EFCAB8: variants seen among roughly 807,000 people sequenced by gnomAD.
The protein encoded by EFCAB8 is EF-hand calcium-binding domain-containing protein 8.
In EFCAB8, 100 loss-of-function variants were observed where a neutral mutation model predicts 116.3. The observed-to-expected ratio is 0.86, with a 90% CI of 0.73 to 1.02. EFCAB8 has a LOEUF of 1.02. Among genes scored for constraint, EFCAB8 ranks in the 50% least tolerant of loss-of-function variants. The pLI is 0.00. For synonymous variants in EFCAB8, 558 were observed against 567.9 expected, an observed-to-expected ratio of 0.98 and a Z score of 0.25; for missense variants, 1,320 against 1,416.9, an observed-to-expected ratio of 0.93 and a Z score of 1.10.
chr20:32,961,500 A>G lies in EFCAB8; in HGVS notation c.3758A>G (p.Gln1253Arg). Residue 1253 changes from glutamine (Q) to arginine (R), a missense_variant, in exon 27 of 27, where the codon CAG becomes CGG. Coordinates refer to ENST00000400522, the MANE Select transcript of EFCAB8 (RefSeq NM_001143967.2). ...TCCCCGGTGTCCAAGTCCACCCTGC[A>G]GGGGTCAGTGACCCCCAAGCACATT... ...VPSPVSKSTL[Q>R]GSVTPKHIVS... is the part of the protein sequence containing the mutation. 6.9e-7 allele frequency: 1 copy of G among 1,443,798 alleles called. No homozygotes were observed. Among genetic ancestry groups the G allele is most frequent in the Non-Finnish European group, 9.1e-7 (1 of 1,094,906 alleles). The allele number at this position is 1,443,798 out of a possible 1,614,324, so 89.4% of individuals were successfully genotyped here.
intron 7 of EFCAB8, among the ~76,000 whole-genome samples, chr20:32,889,610 A>G (rs1056884334): frequency 6.6e-6 from 1 of 152,200 alleles, no homozygotes; most frequent in Admixed American, 6.5e-5. Flanking sequence ...AACAGACCCA[A>G]ATTTACAAGC....
chr20:32,863,545 C>G (rs6141834), intron 1 of EFCAB8, among the ~76,000 whole-genome samples: 2 of 151,812 alleles, frequency 1.3e-5, no homozygotes, highest in African/African-American at 4.9e-5. Flanking sequence ...CAGGACAACT[C>G]CTCTCTATCA....
intron 23 of EFCAB8, 47 bp from the exon 24 acceptor site, chr20:32,958,374 G>C (rs1479996206): frequency 2.4e-6 from 1 of 416,368 alleles, no homozygotes. Flanking sequence ...GGGCATGGAG[G>C]AGGGGGTATG....
chr20:32,924,508 CTAT>C (rs139899532), intron 20 of EFCAB8, among the ~76,000 whole-genome samples: 1 of 152,110 alleles, frequency 6.6e-6, no homozygotes, highest in Non-Finnish European at 1.5e-5. Context: ...AAAGAATGTA[CTAT>C]TATTATTATT....
intron 22 of EFCAB8, among the ~76,000 whole-genome samples, chr20:32,939,652 CT>C (rs1988324344): frequency 7.0e-6 from 1 of 142,374 alleles, no homozygotes; most frequent in African/African-American, 2.6e-5. Context: ...CTCTCTCTGT[CT>C]CTCTTTTTCT....
At chr20:32,898,034 C>A (rs6087430) in intron 10 of EFCAB8, among the ~76,000 whole-genome samples, 102,072 of 152,026 alleles carry the variant, frequency 0.67, 35,039 homozygotes, top group Middle Eastern at 0.81. Flanking sequence ...TTCAAGTTGC[C>A]GTGAAATGCA....
At chr20:32,873,193 A>G (rs1438995583) in intron 3 of EFCAB8, among the ~76,000 whole-genome samples, 1 of 152,090 alleles carries the variant, frequency 6.6e-6, no homozygotes, top group Non-Finnish European at 1.5e-5. Flanking sequence ...GTCAGCAAGA[A>G]CCATGGAACT....
rs185745789 is a variant in EFCAB8, at chr20:32,955,156, C to G, written c.2960-3265C>G. 7.4e-3 allele frequency among the ~76,000 whole-genome samples: 1,124 copies of G among 152,260 alleles called. 9 individuals are homozygous for G. The highest frequency in any genetic ancestry group is 0.013 in the Admixed American group (197 of 15,292). ...TGCTTAAGGCAGGCCCCTCCCTCCC[C>G]CTAAAGCCAAACCCAGATCTTATCC... On this transcript the variant is annotated intron_variant, in intron 23 of 26. Coordinates refer to ENST00000400522, the MANE Select transcript of EFCAB8 (RefSeq NM_001143967.2).
intron 22 of EFCAB8, among the ~76,000 whole-genome samples, chr20:32,935,188 C>CTTTTTTTTTTTTTTTTTTTTTTTT (rs754022404): frequency 3.4e-4 from 23 of 66,912 alleles, no homozygotes; most frequent in Admixed American, 5.3e-4. Context: ...TTCTTTCTTT[C>CTTTTTTTTTTTTTTTTTTTTTTTT]TTTCTTTTTT....
In EFCAB8 at chr20:32,906,931, A is replaced by G. The variant is rs1302213597; in HGVS notation, c.1245A>G (p.Ser415=). The G allele has an allele frequency of 2.1e-5, 32 of 1,549,624 alleles. No individual in the cohort carries two copies. Among genetic ancestry groups the G allele is most frequent in the Non-Finnish European group, 2.6e-5 (30 of 1,145,990 alleles). Residue 415 remains serine, a synonymous_variant, in exon 13 of 27, where the codon TCA becomes TCG. Transcript: ENST00000400522. The stretch of plus-strand genomic sequence containing the variant: ...GGCTGATGAAGGGACACCAGACCTC[A>G]GTGACGCACATCCTTGTGGATAGCA... ...PVWLMKGHQT[S]VTHILVDSRN... is the part of the protein sequence containing the mutation.
intron 14 of EFCAB8, among the ~76,000 whole-genome samples, chr20:32,909,070 G>T (rs1043167738): frequency 6.6e-6 from 1 of 152,228 alleles, no homozygotes; most frequent in Non-Finnish European, 1.5e-5. Flanking sequence ...GGGAGCAGAA[G>T]CCCAGAAAAG....
chr20:32,936,406 C>A (rs1034324170), intron 22 of EFCAB8, among the ~76,000 whole-genome samples: 2 of 152,104 alleles, frequency 1.3e-5, no homozygotes, highest in African/African-American at 2.4e-5. Context: ...TGTCATGGAG[C>A]CTTTCCTCTA....
intron 22 of EFCAB8, among the ~76,000 whole-genome samples, chr20:32,938,231 T>G (rs1988197791): frequency 6.7e-6 from 1 of 149,964 alleles, no homozygotes; most frequent in Non-Finnish European, 1.5e-5. Flanking sequence ...TGCCAATAGA[T>G]GCAAAAAGAG....
intron 20 of EFCAB8, among the ~76,000 whole-genome samples, chr20:32,921,385 G>GTGTGTC (rs1173544644): frequency 6.9e-6 from 1 of 145,874 alleles, no homozygotes; most frequent in African/African-American, 2.5e-5. Flanking sequence ...GTGTGTGTGT[G>GTGTGTC]TGTGTGTTTT....
chr20:32,955,100 T>C (rs954930573), intron 23 of EFCAB8, among the ~76,000 whole-genome samples: 2 of 152,208 alleles, frequency 1.3e-5, no homozygotes, highest in Admixed American at 6.5e-5. Context: ...GCAGCATTTT[T>C]CTGGTAAGTG....
intron 11 of EFCAB8, among the ~76,000 whole-genome samples, chr20:32,904,031 T>A (rs925604937): frequency 3.3e-5 from 5 of 152,068 alleles, no homozygotes; most frequent in Non-Finnish European, 7.4e-5. Flanking sequence ...TTTTTTTTTC[T>A]GAGGCAGGGT....
At chr20:32,895,313 ATTT>A (rs11353110) in intron 9 of EFCAB8, among the ~76,000 whole-genome samples, 180 of 127,708 alleles carry the variant, frequency 1.4e-3, no homozygotes, top group Middle Eastern at 3.9e-3. Context: ...TTTATTTAAG[ATTT>A]TTTTTTTTTT....
chr20:32,896,636 T>C, intron 10 of EFCAB8, 109 bp downstream of exon 10: 3 of 656,074 alleles, frequency 4.6e-6, no homozygotes, highest in Non-Finnish European at 8.3e-6. Flanking sequence ...GTCTTAGCCC[T>C]TGGGGTTTGG....
At chr20:32,946,456 G>T (rs1428444539) in intron 23 of EFCAB8, among the ~76,000 whole-genome samples, 1 of 152,150 alleles carries the variant, frequency 6.6e-6, no homozygotes, top group African/African-American at 2.4e-5. Flanking sequence ...GGGATGAATG[G>T]TCCTGGTTTC....
Sources: allele counts gnomAD v4.1 joint callset (sites outside exome capture counted in the v4.1 genomes callset), GRCh38; gene constraint gnomAD v4.1.1; transcripts MANE v1.5; gene names NCBI Gene and HGNC (gene_info 2026-07-23, HGNC 2026-07-21).